The following UST variants were observed in gnomAD, a reference collection of about 807,000 sequenced individuals.
The protein encoded by UST is uronyl 2-sulfotransferase.
In UST, 21 loss-of-function variants were observed where a neutral mutation model predicts 45.6. The observed-to-expected ratio is 0.46, with a 90% CI of 0.33 to 0.66. UST has a LOEUF of 0.66. Among genes scored for constraint, UST ranks in the 30% least tolerant of loss-of-function variants. The pLI is 0.02. For synonymous variants in UST, 215 were observed against 200.6 expected, an observed-to-expected ratio of 1.07 and a Z score of -0.61; for missense variants, 463 against 512.4, an observed-to-expected ratio of 0.90 and a Z score of 0.93.
At chr6:148,771,758 A>G (rs1028679014) in intron 1 of UST, among the ~76,000 whole-genome samples, 1 of 152,240 alleles carries the variant, frequency 6.6e-6, no homozygotes, top group Non-Finnish European at 1.5e-5. Context: ...ATGTTTACTA[A>G]GGTAATTATA....
rs145013652 is a variant in UST at position 148,942,839 on chromosome 6, T to TA, written c.447+1411dup. ...TGCCCACTCCTTTGCAAACTTCCAT[T>TA]AAAAAATCACTCAGTATCAAGTTTA... On this transcript the variant is annotated intron_variant, in intron 3 of 7. Transcript: ENST00000367463. Among the ~76,000 whole-genome samples, 612 of 152,276 alleles carry TA rather than the reference T, an allele frequency of 4.0e-3. 1 individual carries two copies. The highest frequency in any genetic ancestry group is 0.014 in the African/African-American group (573 of 41,564).
intron 2 of UST, among the ~76,000 whole-genome samples, chr6:148,940,968 A>G (rs1780114659): frequency 6.6e-6 from 1 of 152,242 alleles, no homozygotes; most frequent in Non-Finnish European, 1.5e-5. Context: ...AAATATTGTC[A>G]TTAAGGAACA....
chr6:148,841,587 G>T (rs9285515), intron 1 of UST, among the ~76,000 whole-genome samples: 77,731 of 121,688 alleles, frequency 0.64, 21,060 homozygotes, highest in East Asian at 0.79. Context: ...TTTTGTTTTT[G>T]TTTTTTTTTT....
chr6:148,902,475 A>C (rs67521789), intron 2 of UST, among the ~76,000 whole-genome samples: 2 of 151,262 alleles, frequency 1.3e-5, no homozygotes, highest in Non-Finnish European at 2.9e-5. Flanking sequence ...GGCTTAAGCG[A>C]TCCTCCCGCC....
rs76515146 is a variant in UST, at chr6:148,850,882, G to A, written c.248-36104G>A. On this transcript the variant is annotated intron_variant, in intron 1 of 7. Transcript: ENST00000367463. The stretch of plus-strand genomic sequence containing the variant: ...TTTAGAAGCCAGGGAAGATTTTCCC[G>A]TTGTATCATCTGTGGTCTTTCTACT... Among the ~76,000 whole-genome samples the A allele has an allele frequency of 8.9e-3, 1,359 of 152,320 alleles. 9 individuals are homozygous for A. The highest frequency in any genetic ancestry group is 0.018 in the African/African-American group (750 of 41,582).
chr6:149,008,394 G>T (rs898973887), intron 5 of UST, among the ~76,000 whole-genome samples: 3 of 152,138 alleles, frequency 2.0e-5, no homozygotes, highest in African/African-American at 7.2e-5. Flanking sequence ...ATGTGCTTGA[G>T]GTGGGTGGAA....
intron 1 of UST, among the ~76,000 whole-genome samples, chr6:148,873,629 A>T (rs1778598671): frequency 6.6e-6 from 1 of 152,180 alleles, no homozygotes; most frequent in South Asian, 2.1e-4. Flanking sequence ...TGGGTATGGA[A>T]CAGGGCTTCA....
At chr6:148,989,508 A>G (rs1781307548) in intron 5 of UST, among the ~76,000 whole-genome samples, 1 of 152,204 alleles carries the variant, frequency 6.6e-6, no homozygotes, top group African/African-American at 2.4e-5. Flanking sequence ...AGCAAGAGGG[A>G]TTTGCCTTTG....
chr6:148,993,896 A>C (rs1158445515), intron 5 of UST, among the ~76,000 whole-genome samples: 2 of 150,484 alleles, frequency 1.3e-5, no homozygotes, highest in Non-Finnish European at 2.9e-5. Flanking sequence ...CAGCCTGCAG[A>C]TCACTGGGTC....
intron 1 of UST, among the ~76,000 whole-genome samples, chr6:148,779,580 C>T (rs1776599945): frequency 1.3e-5 from 2 of 152,182 alleles, no homozygotes; most frequent in South Asian, 4.1e-4. Context: ...CCCACTCAGC[C>T]CGCTCCACGG....
intron 5 of UST, among the ~76,000 whole-genome samples, chr6:148,988,572 T>G (rs1377558606): frequency 3.3e-5 from 1 of 30,032 alleles, no homozygotes; most frequent in African/African-American, 1.4e-4. Flanking sequence ...AGACCCTGTC[T>G]CAAAAAAAAA....
intron 7 of UST, among the ~76,000 whole-genome samples, chr6:149,048,565 G>C (rs935012140): frequency 6.6e-6 from 1 of 150,768 alleles, no homozygotes; most frequent in African/African-American, 2.4e-5. Context: ...GAGAGACACA[G>C]TAAAGAATAA....
intron 5 of UST, among the ~76,000 whole-genome samples, chr6:148,967,293 G>T (rs1028742964): frequency 2.0e-5 from 3 of 151,710 alleles, no homozygotes; most frequent in African/African-American, 7.3e-5. Flanking sequence ...GAAAGCACTG[G>T]GCTCCCCAAA....
At chr6:149,000,219 A>C (rs898610904) in intron 5 of UST, among the ~76,000 whole-genome samples, 1 of 152,216 alleles carries the variant, frequency 6.6e-6, no homozygotes, top group East Asian at 1.9e-4. Flanking sequence ...TTCTGCCTGG[A>C]ACTATGCCCT....
chr6:148,783,999 T>A (rs545104759), intron 1 of UST, among the ~76,000 whole-genome samples: 1 of 152,326 alleles, frequency 6.6e-6, no homozygotes, highest in East Asian at 1.9e-4. Flanking sequence ...TTTCTCTGCC[T>A]ATGAGTTTTC....
At chr6:148,793,029 G>A (rs755253374) in intron 1 of UST, among the ~76,000 whole-genome samples, 9 of 152,102 alleles carry the variant, frequency 5.9e-5, no homozygotes, top group Non-Finnish European at 1.0e-4. Context: ...ATAATTTATT[G>A]TACTGTATGG....
intron 1 of UST, among the ~76,000 whole-genome samples, chr6:148,795,310 G>A (rs534213607): frequency 1.3e-5 from 2 of 152,282 alleles, no homozygotes; most frequent in African/African-American, 2.4e-5. Flanking sequence ...CCTGGTCTTC[G>A]ATGTGTTCAG....
chr6:148,774,967 G>A (rs115747725), intron 1 of UST, among the ~76,000 whole-genome samples: 3,145 of 152,078 alleles, frequency 0.021, 97 homozygotes, highest in African/African-American at 0.071. Context: ...GCAGTCAGCC[G>A]AGATTACGCC....
At chr6:149,053,109 A>G (rs1203992515) in intron 7 of UST, among the ~76,000 whole-genome samples, 2 of 152,232 alleles carry the variant, frequency 1.3e-5, no homozygotes, top group African/African-American at 4.8e-5. Flanking sequence ...ATTAATGAAC[A>G]CTTTTTAAAA....
Sources: allele counts gnomAD v4.1 joint callset (sites outside exome capture counted in the v4.1 genomes callset), GRCh38; gene constraint gnomAD v4.1.1; transcripts MANE v1.5; gene names NCBI Gene and HGNC (gene_info 2026-07-23, HGNC 2026-07-21).